CDK17: variants seen among roughly 807,000 people sequenced by gnomAD.
CDK17 encodes the protein cyclin-dependent kinase 17.
Under a neutral mutation model 77.6 loss-of-function variants are expected in CDK17, and 24 were observed. The ratio of observed to expected loss-of-function variants is 0.31; its 90% CI spans 0.22 to 0.44. The LOEUF is 0.44. CDK17 is among the 20% of genes least tolerant of loss of function. The pLI is 1.00. For synonymous variants in CDK17, 203 were observed against 210.4 expected, an observed-to-expected ratio of 0.96 and a Z score of 0.30; for missense variants, 429 against 622.5, an observed-to-expected ratio of 0.69 and a Z score of 3.31.
intron 1 of CDK17, among the ~76,000 whole-genome samples, chr12:96,347,099 T>C (rs550189532): frequency 1.3e-5 from 2 of 152,228 alleles, no homozygotes; most frequent in African/African-American, 2.4e-5. Context: ...AGGGGTTCGA[T>C]ACATTAAGCT....
chr12:96,293,453 A>G (rs1248678917), intron 10 of CDK17, among the ~76,000 whole-genome samples: 2 of 152,218 alleles, frequency 1.3e-5, no homozygotes, highest in African/African-American at 2.4e-5. Flanking sequence ...TCAAATATAC[A>G]TATCACAACA....
intron 12 of CDK17, among the ~76,000 whole-genome samples, chr12:96,286,398 A>G (rs1378736923): frequency 6.6e-6 from 1 of 152,004 alleles, no homozygotes; most frequent in East Asian, 1.9e-4. Context: ...AAAGTTAGCA[A>G]TATTCCTTAA....
At chr12:96,390,250 C>T (rs973222499) in intron 1 of CDK17, among the ~76,000 whole-genome samples, 1 of 150,214 alleles carries the variant, frequency 6.7e-6, no homozygotes. Context: ...CTCCCAGGTT[C>T]GAGTGATTCT....
At chr12:96,317,673 C>G (rs1160744477) in intron 3 of CDK17, among the ~76,000 whole-genome samples, 1 of 129,816 alleles carries the variant, frequency 7.7e-6, no homozygotes. Context: ...AATTTTCAAC[C>G]CAGAATTTCA....
At chr12:96,361,669 A>G (rs1014234882) in intron 1 of CDK17, among the ~76,000 whole-genome samples, 2 of 152,236 alleles carry the variant, frequency 1.3e-5, no homozygotes, top group Non-Finnish European at 2.9e-5. Flanking sequence ...TTAATACACC[A>G]AACTTTGAAA....
At chr12:96,386,692 CAT>C (rs1385930506) in intron 1 of CDK17, 3 of 152,248 alleles carry the variant, frequency 2.0e-5, no homozygotes, top group Non-Finnish European at 2.9e-5. Context: ...AAAAAACTGA[CAT>C]ATTACATGGA....
intron 5 of CDK17, among the ~76,000 whole-genome samples, chr12:96,306,128 T>C (rs1378578663): frequency 6.6e-6 from 1 of 152,224 alleles, no homozygotes; most frequent in Non-Finnish European, 1.5e-5. Context: ...TGGGGATCTA[T>C]GCGAGATTGA....
intron 5 of CDK17, among the ~76,000 whole-genome samples, chr12:96,309,659 A>G (rs1318120375): frequency 1.3e-5 from 2 of 152,216 alleles, no homozygotes; most frequent in African/African-American, 4.8e-5. Context: ...AAAAAGAAGA[A>G]AAACAGACTT....
chr12:96,280,176 C>T lies in CDK17; in HGVS notation c.*66G>A. 1 of 1,489,192 alleles carries T rather than the reference C, an allele frequency of 6.7e-7. No homozygotes were observed. The highest frequency in any genetic ancestry group is 1.3e-5 in the South Asian group (1 of 78,966). 92.2% of individuals were successfully genotyped at this position (1,489,192 alleles called of 1,614,324 possible). A position where few individuals can be genotyped will look rare whatever the true frequency, so the allele number is the denominator to read the frequency against. On this transcript the variant is annotated 3_prime_UTR_variant, in exon 17 of 17. Transcript: ENST00000261211. The stretch of plus-strand genomic sequence containing the variant: ...CAAGTCCACCAAAAGAAATAATTGC[C>T]TTCAGTTCTGAGTCCTTGATTGGTA...
At chr12:96,329,055 A>G (rs1952931886) in intron 2 of CDK17, among the ~76,000 whole-genome samples, 1 of 152,172 alleles carries the variant, frequency 6.6e-6, no homozygotes, top group Non-Finnish European at 1.5e-5. Context: ...AAAAGGACAA[A>G]TATTATATGG....
At chr12:96,294,865 A>C in intron 10 of CDK17, 134 bp downstream of exon 10, 1 of 704,464 alleles carries the variant, frequency 1.4e-6, no homozygotes, top group East Asian at 2.9e-5. Context: ...TCTGTCAAAT[A>C]TCTTATTCTG....
intron 15 of CDK17, among the ~76,000 whole-genome samples, chr12:96,281,532 C>A (rs1452012405): frequency 6.6e-6 from 1 of 152,206 alleles, no homozygotes. Context: ...CCACGCCCAG[C>A]TAATTTTTGT....
intron 1 of CDK17, among the ~76,000 whole-genome samples, chr12:96,360,080 G>A (rs1953469039): frequency 6.6e-6 from 1 of 152,152 alleles, no homozygotes; most frequent in South Asian, 2.1e-4. Flanking sequence ...TATGATGGGG[G>A]AAGGGATCTG....
Position 96,338,000 on chromosome 12 carries a change from T to C in CDK17, c.-29-3135A>G, listed in dbSNP as rs192047934. ...ACCTTGGATCATATCAGGTAATCTA[T>C]ATAAACAATATGAATTATGGTTAAT... On this transcript the variant is annotated intron_variant, in intron 1 of 16. Coordinates refer to ENST00000261211, the MANE Select transcript of CDK17 (RefSeq NM_002595.5). Among the ~76,000 whole-genome samples, 10 of 152,338 alleles carry C rather than the reference T, an allele frequency of 6.6e-5. No homozygotes were observed. The East Asian group carries it at 1.5e-3, about 23-fold the overall frequency.
chr12:96,332,696 T>C (rs375965907), intron 2 of CDK17, among the ~76,000 whole-genome samples: 31 of 152,208 alleles, frequency 2.0e-4, no homozygotes, highest in African/African-American at 6.0e-4. Flanking sequence ...GAGGAATCAA[T>C]GTCTCTTATG....
chr12:96,375,941 A>G (rs967103443), intron 1 of CDK17, among the ~76,000 whole-genome samples: 3 of 152,196 alleles, frequency 2.0e-5, no homozygotes, highest in Non-Finnish European at 4.4e-5. Context: ...TGAAAGTCAA[A>G]CTATTCACCA....
At chr12:96,354,650 C>G (rs542371860) in intron 1 of CDK17, among the ~76,000 whole-genome samples, 1 of 152,058 alleles carries the variant, frequency 6.6e-6, no homozygotes, top group African/African-American at 2.4e-5. Flanking sequence ...GAGGCTGAGG[C>G]GGGAGAGCTG....
chr12:96,284,525 T>A (rs1952222471), intron 13 of CDK17: 1 of 147,310 alleles, frequency 6.8e-6, no homozygotes, highest in African/African-American at 2.5e-5. Flanking sequence ...ATAATAAAGA[T>A]GAAATTAGTA....
intron 1 of CDK17, among the ~76,000 whole-genome samples, chr12:96,343,903 AAAATGTTAAATC>A (rs1212408702): frequency 6.6e-6 from 1 of 152,238 alleles, no homozygotes; most frequent in East Asian, 1.9e-4. Flanking sequence ...TTGCTAGTCA[AAAATGTTAAATC>A]AACTGTCCTA....
Sources: allele counts gnomAD v4.1 joint callset (sites outside exome capture counted in the v4.1 genomes callset), GRCh38; gene constraint gnomAD v4.1.1; transcripts MANE v1.5; gene names NCBI Gene and HGNC (gene_info 2026-07-23, HGNC 2026-07-21).